Variants in CYTH4 observed in about 807,000 individuals in gnomAD.
CYTH4 encodes cytohesin 4, also known as cytohesin-4.
CYTH4 carries 22 observed loss-of-function variants against 57.5 expected under a neutral mutation model. The observed-to-expected ratio is 0.38, with a 90% CI of 0.27 to 0.55. The LOEUF is 0.55. Ranked by LOEUF, CYTH4 falls within the 20% of genes least tolerant of loss-of-function variation. The probability of loss-of-function intolerance (pLI) is 0.74; values close to 1 mark genes in which losing one functional copy is unlikely to be tolerated. For missense variants in CYTH4, 420 were observed against 535.6 expected, an observed-to-expected ratio of 0.78 and a Z score of 2.13; for synonymous variants, 186 against 206.5, an observed-to-expected ratio of 0.90 and a Z score of 0.85.
chr22:37,294,579 G>A (rs756543145), intron 2 of CYTH4, 81 bp from the exon 3 acceptor site: 85 of 1,504,236 alleles, frequency 5.7e-5, no homozygotes, highest in Admixed American at 4.8e-4. Context: ...CCAGGGGTAG[G>A]AGTGGTCCTT....
At chr22:37,294,555 T>G (rs1601700660) in intron 2 of CYTH4, 105 bp from the exon 3 acceptor site, 1 of 1,306,710 alleles carries the variant, frequency 7.7e-7, no homozygotes, top group Non-Finnish European at 1.1e-6. Context: ...AGGGGCCAGG[T>G]TTGAGAGTCG....
At chr22:37,303,552 A>G (rs1483069579) in intron 8 of CYTH4, 150 bp downstream of exon 8, 1 of 1,193,770 alleles carries the variant, frequency 8.4e-7, no homozygotes, top group Non-Finnish European at 1.1e-6. Context: ...GACTGTCTTG[A>G]GAGGCACCGT....
chr22:37,294,831 A>G lies in CYTH4; in HGVS notation c.167+107A>G, dbSNP rs762191953. The G allele has an allele frequency of 5.6e-4, 763 of 1,357,546 alleles. 1 individual carries two copies. Among genetic ancestry groups the G allele is most frequent in the Non-Finnish European group, 7.6e-4 (733 of 960,258 alleles). The allele number at this position is 1,357,546 out of a possible 1,614,324, so 84.1% of individuals were successfully genotyped here. On this transcript the variant is annotated intron_variant, in intron 3 of 12. Coordinates refer to ENST00000248901, the MANE Select transcript of CYTH4 (RefSeq NM_013385.5). Reference sequence around the variant, plus strand: ...ACTCCCAGCCCCCTGGACCTGGTGAAATCAGGGATTGGCCAGGGAGAAGGA... The same window carrying G: ...ACTCCCAGCCCCCTGGACCTGGTGAGATCAGGGATTGGCCAGGGAGAAGGA...
At chr22:37,310,252 G>A (rs190045170) in intron 9 of CYTH4, among the ~76,000 whole-genome samples, 29 of 152,154 alleles carry the variant, frequency 1.9e-4, no homozygotes, top group African/African-American at 4.8e-4. Flanking sequence ...GTCCGCCCCC[G>A]AGAAGCTCTA....
rs73417353 is a variant in CYTH4, at chr22:37,299,165, G to T, written c.354-61G>T. 7.5e-3 allele frequency: 9,923 copies of T among 1,322,768 alleles called. 518 individuals are homozygous for T. The African/African-American group carries it at 0.12, about 16-fold the overall frequency. 81.9% of individuals were successfully genotyped at this position (1,322,768 alleles called of 1,614,324 possible). On this transcript the variant is annotated intron_variant, in intron 5 of 12. Coordinates refer to ENST00000248901, the MANE Select transcript of CYTH4 (RefSeq NM_013385.5). Reference sequence around the variant, plus strand: ...CCCTCCCCCACCTCAACCCCCTCCAGGAGGTGGGTGCCAGCAAGTATCCAA... The same window carrying T: ...CCCTCCCCCACCTCAACCCCCTCCATGAGGTGGGTGCCAGCAAGTATCCAA...
intron 8 of CYTH4, among the ~76,000 whole-genome samples, chr22:37,304,833 C>A (rs1409142864): frequency 6.6e-6 from 1 of 152,162 alleles, no homozygotes; most frequent in African/African-American, 2.4e-5. Flanking sequence ...ACTATCCCCT[C>A]TACCAGGAGA....
chr22:37,294,536 G>A, intron 2 of CYTH4, 124 bp from the exon 3 acceptor site: 1 of 1,019,488 alleles, frequency 9.8e-7, no homozygotes, highest in Non-Finnish European at 1.5e-6. Context: ...CAGGACAGAG[G>A]TCAGGGAGAG....
Position 37,295,765 on chromosome 22 carries a change from C to T in CYTH4, c.168-234C>T, listed in dbSNP as rs545433023. On this transcript the variant is annotated intron_variant, in intron 3 of 12. Coordinates refer to ENST00000248901, the MANE Select transcript of CYTH4 (RefSeq NM_013385.5). The surrounding 1 kb of genome is among the most constrained non-coding windows in gnomAD (Gnocchi z 4.1). ...CCCACACGGCAGCTCCGGGTTCCTG[C>T]AAGCTGCTAAATGCCCGTGCTGGGC... Among the ~76,000 whole-genome samples, 1 of 152,236 alleles carries T rather than the reference C, an allele frequency of 6.6e-6. No homozygotes were observed. The highest frequency in any genetic ancestry group is 2.1e-4 in the South Asian group (1 of 4,836).
chr22:37,292,419 G>A, intron 1 of CYTH4: 1 of 560,638 alleles, frequency 1.8e-6, no homozygotes, highest in Middle Eastern at 4.7e-4. Context: ...CCAGGGGGGT[G>A]GGAGAAACAG....
At position 37,304,239 on chromosome 22, in the gene CYTH4, C is replaced by A. The variant is rs779506052; in HGVS notation, c.696+837C>A. Reference sequence around the variant, plus strand: ...TTTCAAAAAGAAGAAGTGGCCAGAACGGAGGCGTGTCCTGATTGGGAAAGG... The same window carrying A: ...TTTCAAAAAGAAGAAGTGGCCAGAAAGGAGGCGTGTCCTGATTGGGAAAGG... On this transcript the variant is annotated intron_variant, in intron 8 of 12. Transcript: ENST00000248901. 35 of 456,528 alleles carry A rather than the reference C, an allele frequency of 7.7e-5. 1 individual carries two copies. The Middle Eastern group carries it at 7.4e-3, about 97-fold the overall frequency. 28.3% of individuals were successfully genotyped at this position (456,528 alleles called of 1,614,324 possible).
At position 37,311,908 on chromosome 22, in the gene CYTH4, C is replaced by G; in HGVS notation, c.958-112C>G. On this transcript the variant is annotated intron_variant, in intron 11 of 12. Coordinates refer to ENST00000248901, the MANE Select transcript of CYTH4 (RefSeq NM_013385.5). This position sits in a 1 kb window ranked among gnomAD's most constrained non-coding sequence, Gnocchi z 4.4. ...CAGCAGCTCCTGCCCCTTCGCCTGT[C>G]GTAGGGCTGTCACGCTGATCAGGGA... The G allele has an allele frequency of 1.5e-6, 2 of 1,374,388 alleles. No individual in the cohort carries two copies. Among genetic ancestry groups the G allele is most frequent in the Non-Finnish European group, 2.0e-6 (2 of 1,003,056 alleles). 85.1% of individuals were successfully genotyped at this position (1,374,388 alleles called of 1,614,324 possible).
In CYTH4 at chr22:37,291,123, G is replaced by C. The variant is rs1928733471; in HGVS notation, c.20-1498G>C. On this transcript the variant is annotated intron_variant, in intron 1 of 12. Transcript: ENST00000248901. The stretch of plus-strand genomic sequence containing the variant: ...TTCACATTTCACAGATGAGGATGCT[G>C]TATTAGGTATATCTCAGATTTAGCT... 3.3e-5 allele frequency among the ~76,000 whole-genome samples: 5 copies of C among 152,212 alleles called. No individual in the cohort carries two copies. The South Asian group carries it at 1.0e-3, about 32-fold the overall frequency.
chr22:37,310,746 C>T (rs1370188346), intron 9 of CYTH4, among the ~76,000 whole-genome samples: 1 of 152,184 alleles, frequency 6.6e-6, no homozygotes, highest in African/African-American at 2.4e-5. Flanking sequence ...ATTCCTAGGA[C>T]CTGATCACGG....
intron 12 of CYTH4, 149 bp from the exon 13 acceptor site, chr22:37,313,290 A>G (rs1230971497): frequency 5.4e-6 from 4 of 737,242 alleles, no homozygotes; most frequent in Non-Finnish European, 9.2e-6. Context: ...ACCCTGGCAC[A>G]GCCTTTGTTG....
intron 8 of CYTH4, among the ~76,000 whole-genome samples, chr22:37,305,587 A>G (rs375659706): frequency 2.0e-5 from 3 of 152,280 alleles, no homozygotes; most frequent in African/African-American, 7.2e-5. Flanking sequence ...CCAGGTCAAA[A>G]AGAAACACAC....
intron 7 of CYTH4, 21 bp downstream of exon 7, chr22:37,301,040 C>T (rs1439679992): frequency 6.2e-7 from 1 of 1,600,538 alleles, no homozygotes; most frequent in African/African-American, 1.3e-5. Flanking sequence ...GGGAGTGGGA[C>T]CCAGGGCTCC....
chr22:37,313,377 G>A, intron 12 of CYTH4, 62 bp from the exon 13 acceptor site: 1 of 1,537,324 alleles, frequency 6.5e-7, no homozygotes, highest in African/African-American at 1.4e-5. Context: ...TACAAGCCCT[G>A]GGAGAGCAGA....
chr22:37,285,709 TCAAACAAA>T (rs368245730), intron 1 of CYTH4, among the ~76,000 whole-genome samples: 2 of 151,802 alleles, frequency 1.3e-5, no homozygotes, highest in Non-Finnish European at 2.9e-5. Flanking sequence ...AGACATCGTC[TCAAACAAA>T]CAAACAAACA....
At chr22:37,296,360 AAT>A (rs1928968733) in intron 4 of CYTH4, 1 of 429,672 alleles carries the variant, frequency 2.3e-6, no homozygotes, top group Non-Finnish European at 4.2e-6. Context: ...CTTCTCCATG[AAT>A]GTGGCTTGGG....
Sources: allele counts gnomAD v4.1 joint callset (sites outside exome capture counted in the v4.1 genomes callset), GRCh38; gene constraint gnomAD v4.1.1; non-coding constraint Gnocchi (gnomAD v3.1); transcripts MANE v1.5; gene names NCBI Gene and HGNC (gene_info 2026-07-23, HGNC 2026-07-21).